SLC25A21: variants seen among roughly 807,000 people sequenced by gnomAD.
SLC25A21 encodes the protein mitochondrial 2-oxodicarboxylate carrier.
Under a neutral mutation model 43.8 loss-of-function variants are expected in SLC25A21, and 47 were observed. The observed-to-expected ratio is 1.07, with a 90% CI of 0.85 to 1.37. The LOEUF is 1.37. SLC25A21 is among the 40% of genes most tolerant of loss of function. The probability of loss-of-function intolerance (pLI) is 0.00; values close to 1 mark genes in which losing one functional copy is unlikely to be tolerated. For synonymous variants in SLC25A21, 131 were observed against 121.3 expected (o/e 1.08, Z -0.52); for missense variants, 352 against 350.2 (o/e 1.00, Z -0.04).
intron 1 of SLC25A21, among the ~76,000 whole-genome samples, chr14:37,087,176 T>C (rs1298620391): frequency 6.6e-6 from 1 of 152,136 alleles, no homozygotes; most frequent in Non-Finnish European, 1.5e-5. Context: ...ATAAAAGAAG[T>C]TCTGACCTGT....
intron 3 of SLC25A21, among the ~76,000 whole-genome samples, chr14:36,771,565 C>T (rs1404056641): frequency 6.6e-6 from 1 of 152,106 alleles, no homozygotes; most frequent in East Asian, 1.9e-4. Flanking sequence ...AGCCCAGAGG[C>T]CACAGTTTGT....
chr14:37,151,763 A>G (rs550673513), intron 1 of SLC25A21, among the ~76,000 whole-genome samples: 4 of 152,280 alleles, frequency 2.6e-5, no homozygotes, highest in African/African-American at 9.6e-5. Flanking sequence ...AGAAATTACA[A>G]ATTGGCTCAT....
intron 3 of SLC25A21, among the ~76,000 whole-genome samples, chr14:36,737,405 C>T (rs533925704): frequency 6.6e-6 from 1 of 152,240 alleles, no homozygotes; most frequent in South Asian, 2.1e-4. Flanking sequence ...ATTGATGTGC[C>T]CTACTTCCCT....
At chr14:36,827,588 A>G (rs1888879517) in intron 2 of SLC25A21, among the ~76,000 whole-genome samples, 1 of 152,330 alleles carries the variant, frequency 6.6e-6, no homozygotes, top group African/African-American at 2.4e-5. Flanking sequence ...AGAAATGAGT[A>G]CCTTCAGTGG....
At chr14:36,862,162 G>A (rs1186210192) in intron 2 of SLC25A21, among the ~76,000 whole-genome samples, 1 of 152,164 alleles carries the variant, frequency 6.6e-6, no homozygotes, top group Non-Finnish European at 1.5e-5. Flanking sequence ...ATGGTTGGTG[G>A]GGTGTAAACT....
At chr14:36,967,486 G>C (rs1959643379) in intron 1 of SLC25A21, among the ~76,000 whole-genome samples, 1 of 152,152 alleles carries the variant, frequency 6.6e-6, no homozygotes, top group Non-Finnish European at 1.5e-5. Context: ...TGAAAATGCT[G>C]AGTTTTTGTG....
chr14:37,004,019 G>A (rs567780222), intron 1 of SLC25A21, among the ~76,000 whole-genome samples: 41 of 151,986 alleles, frequency 2.7e-4, no homozygotes, highest in Non-Finnish European at 5.4e-4. Flanking sequence ...GAACTCACCC[G>A]ATTTGAACTT....
intron 1 of SLC25A21, among the ~76,000 whole-genome samples, chr14:36,888,965 T>C (rs1891002814): frequency 6.6e-6 from 1 of 152,246 alleles, no homozygotes; most frequent in Admixed American, 6.5e-5. Context: ...ATTGCTTGCG[T>C]TTAATTAATC....
intron 1 of SLC25A21, among the ~76,000 whole-genome samples, chr14:37,021,730 T>G (rs544512014): frequency 6.6e-6 from 1 of 152,028 alleles, no homozygotes; most frequent in African/African-American, 2.4e-5. Context: ...AGAATAAGTT[T>G]CAGGAAAAGA....
chr14:36,907,142 C>T (rs1464168950), intron 1 of SLC25A21, among the ~76,000 whole-genome samples: 1 of 152,138 alleles, frequency 6.6e-6, no homozygotes, highest in Non-Finnish European at 1.5e-5. Flanking sequence ...CTATGGAGGA[C>T]ACCAAAATCA....
intron 1 of SLC25A21, among the ~76,000 whole-genome samples, chr14:36,881,569 A>G (rs1371859295): frequency 6.6e-6 from 1 of 152,188 alleles, no homozygotes; most frequent in African/African-American, 2.4e-5. Flanking sequence ...AGAAGATCTT[A>G]TCTCCACCCT....
At position 36,680,688 on chromosome 14, in the gene SLC25A21, G is replaced by A; in HGVS notation, c.870C>T (p.Tyr290=). 1 of 1,613,172 alleles carries A rather than the reference G, an allele frequency of 6.2e-7. No individual in the cohort carries two copies. ...AGTTCTCTTGAAGCCATGAATAGGT[G>A]TATTCATAAACCAGCAGCATCACTG... is the stretch of plus-strand genomic sequence containing the variant. ...GGAVMLLVYE[Y]TYSWLQENW The change falls in exon 10 of 10, where the codon TAC becomes TAT. Residue 290 remains tyrosine, a synonymous_variant. Coordinates refer to ENST00000331299, the MANE Select transcript of SLC25A21 (RefSeq NM_030631.4).
chr14:37,153,007 T>C (rs1048186874), intron 1 of SLC25A21, among the ~76,000 whole-genome samples: 3 of 152,122 alleles, frequency 2.0e-5, no homozygotes, highest in African/African-American at 4.8e-5. Flanking sequence ...GCAGCATCCC[T>C]GGTCAGGACT....
At chr14:36,884,848 T>G (rs1467619055) in intron 1 of SLC25A21, among the ~76,000 whole-genome samples, 4 of 152,162 alleles carry the variant, frequency 2.6e-5, no homozygotes, top group Non-Finnish European at 4.4e-5. Flanking sequence ...ATTATTTGAG[T>G]TCCTTATATA....
At position 36,776,234 on chromosome 14, in the gene SLC25A21, C is replaced by CTTTTTT. The variant is rs1397904925; in HGVS notation, c.203+37683_203+37684insAAAAAA. On this transcript the variant is annotated intron_variant, in intron 3 of 9. Coordinates refer to ENST00000331299, the MANE Select transcript of SLC25A21 (RefSeq NM_030631.4). ...CTTTCTTTTTTCTTTTTCTTTCTTT[C>CTTTTTT]TTTCTTTTTTTTTTTTTTTTGAGAT... Among the ~76,000 whole-genome samples the CTTTTTT allele has an allele frequency of 2.9e-4, 22 of 75,754 alleles. 1 individual carries two copies. The highest frequency in any genetic ancestry group is 1.2e-3 in the African/African-American group (21 of 17,570). 49.7% of individuals were successfully genotyped at this position (75,754 alleles called of 152,430 possible). A position where few individuals can be genotyped will look rare whatever the true frequency, so the allele number is the denominator to read the frequency against.
chr14:36,769,191 G>C (rs900754198), intron 3 of SLC25A21, among the ~76,000 whole-genome samples: 3 of 152,158 alleles, frequency 2.0e-5, no homozygotes, highest in Non-Finnish European at 4.4e-5. Context: ...TGATCACGGG[G>C]CTCCTCCTCA....
At chr14:36,816,172 G>A (rs1888448639) in intron 2 of SLC25A21, among the ~76,000 whole-genome samples, 1 of 152,154 alleles carries the variant, frequency 6.6e-6, no homozygotes, top group Admixed American at 6.5e-5. Flanking sequence ...AAAGTGGAAA[G>A]TTGCTAGATG....
intron 1 of SLC25A21, among the ~76,000 whole-genome samples, chr14:37,113,099 T>G (rs1443901944): frequency 6.6e-6 from 1 of 152,166 alleles, no homozygotes; most frequent in Non-Finnish European, 1.5e-5. Context: ...AAAATGATTC[T>G]GAGAGTTTCC....
chr14:36,782,065 C>T (rs1594583004), intron 3 of SLC25A21, among the ~76,000 whole-genome samples: 1 of 152,160 alleles, frequency 6.6e-6, no homozygotes, highest in Non-Finnish European at 1.5e-5. Flanking sequence ...CCACTCTCCC[C>T]TGGCCTGCAA....
Sources: gnomAD v4.1 joint callset for allele counts (sites outside exome capture counted in the v4.1 genomes callset) on GRCh38, gnomAD v4.1.1 for gene constraint, MANE v1.5 for transcripts, NCBI Gene and HGNC (gene_info 2026-07-23, HGNC 2026-07-21) for gene names.